ABTB2: variants seen among roughly 807,000 people sequenced by gnomAD.
The protein encoded by ABTB2 is ankyrin repeat and BTB domain containing 2, also known as ankyrin repeat and BTB/POZ domain-containing protein 2.
A neutral mutation model predicts 104.1 loss-of-function variants in ABTB2; 56 were observed. The observed-to-expected ratio is 0.54, with a 90% CI of 0.43 to 0.67. The LOEUF (loss-of-function observed/expected upper bound fraction) is 0.67. Ranked by LOEUF, ABTB2 falls within the 30% of genes least tolerant of loss-of-function variation. The pLI is 0.00. For synonymous variants in ABTB2, 606 were observed against 608.2 expected (o/e 1.00, Z 0.05); for missense variants, 1,279 against 1,407.7 (o/e 0.91, Z 1.46).
Position 34,282,144 on chromosome 11 carries a change from T to G in ABTB2, c.883+74557A>C, listed in dbSNP as rs928493663. On this transcript the variant is annotated intron_variant, in intron 1 of 16. Coordinates refer to ENST00000435224, the MANE Select transcript of ABTB2 (RefSeq NM_145804.3). ...TGGTTCATAGATGGCACTTTCTCCC[T>G]GCATCCTCACACGGTGGAAGAGCCG... Among the ~76,000 whole-genome samples, 4 of 152,196 alleles carry G rather than the reference T, an allele frequency of 2.6e-5. No homozygotes were observed. In the East Asian group the frequency reaches 7.7e-4, roughly 29 times the overall value.
At chr11:34,318,938 G>C (rs767810840) in intron 1 of ABTB2, among the ~76,000 whole-genome samples, 7 of 152,216 alleles carry the variant, frequency 4.6e-5, no homozygotes, top group Non-Finnish European at 1.0e-4. Context: ...AAGCTTGCAT[G>C]CCTTTCAAAG....
intron 14 of ABTB2, among the ~76,000 whole-genome samples, chr11:34,157,457 C>T (rs761236797): frequency 1.5e-4 from 23 of 152,178 alleles, no homozygotes; most frequent in African/African-American, 2.9e-4. Flanking sequence ...CGACTGAGCC[C>T]GCACAGGTCC....
rs11032565 is a variant in ABTB2 at position 34,229,282 on chromosome 11, A to G, written c.884-24592T>C. ...CGGATCACAAAGTCAGGAGATCAAG[A>G]CCATCCTGGCTAACACGATGAAACC... On this transcript the variant is annotated intron_variant, in intron 1 of 16. Transcript: ENST00000435224. Among the ~76,000 whole-genome samples, 1,317 of 151,916 alleles carry G rather than the reference A, an allele frequency of 8.7e-3. 25 individuals are homozygous for G. The highest frequency in any genetic ancestry group is 0.03 in the African/African-American group (1,246 of 41,420).
intron 1 of ABTB2, among the ~76,000 whole-genome samples, chr11:34,217,716 C>T (rs1195686561): frequency 6.6e-6 from 1 of 152,198 alleles, no homozygotes; most frequent in South Asian, 2.1e-4. Context: ...CCTGCCGCGG[C>T]CTCCCAAAGT....
At chr11:34,193,734 C>T (rs974037448) in intron 3 of ABTB2, among the ~76,000 whole-genome samples, 7 of 152,204 alleles carry the variant, frequency 4.6e-5, no homozygotes, top group Non-Finnish European at 7.3e-5. Context: ...AGGTGAGGAG[C>T]CTAAGGCATG....
chr11:34,306,983 A>T (rs1379732500), intron 1 of ABTB2, among the ~76,000 whole-genome samples: 2 of 54,404 alleles, frequency 3.7e-5, no homozygotes, highest in Non-Finnish European at 6.1e-5. Context: ...CAGGAAACTT[A>T]AAAAAAAAAA....
intron 1 of ABTB2, among the ~76,000 whole-genome samples, chr11:34,289,266 A>G (rs1228305417): frequency 6.6e-6 from 1 of 152,234 alleles, no homozygotes. Context: ...GATGAAGGGT[A>G]ATAGAGCAGG....
At chr11:34,340,801 A>G (rs1219797075) in intron 1 of ABTB2, among the ~76,000 whole-genome samples, 1 of 152,192 alleles carries the variant, frequency 6.6e-6, no homozygotes, top group African/African-American at 2.4e-5. Context: ...CCTCTGAAAG[A>G]GCTCACCTCC....
At chr11:34,173,743 A>C (rs1852919792) in intron 3 of ABTB2, among the ~76,000 whole-genome samples, 4 of 152,070 alleles carry the variant, frequency 2.6e-5, no homozygotes, top group African/African-American at 7.2e-5. Flanking sequence ...TCTTCTATGC[A>C]GAGGGGAGAG....
chr11:34,269,372 G>A (rs746814076), intron 1 of ABTB2, among the ~76,000 whole-genome samples: 9 of 152,158 alleles, frequency 5.9e-5, no homozygotes, highest in Non-Finnish European at 1.2e-4. Flanking sequence ...GATATTCCTT[G>A]CTTGGGCCAC....
chr11:34,174,009 C>A (rs1852924455), intron 3 of ABTB2, among the ~76,000 whole-genome samples: 1 of 152,144 alleles, frequency 6.6e-6, no homozygotes, highest in Admixed American at 6.5e-5. Context: ...GTGTGCCAGG[C>A]CAGGTTGCCC....
chr11:34,266,177 C>A (rs563657399), intron 1 of ABTB2, among the ~76,000 whole-genome samples: 8 of 152,278 alleles, frequency 5.3e-5, no homozygotes, highest in Admixed American at 4.6e-4. Flanking sequence ...CAAACTCCTG[C>A]ACTCAAGCAA....
At chr11:34,284,350 T>C (rs1357853626) in intron 1 of ABTB2, among the ~76,000 whole-genome samples, 1 of 152,222 alleles carries the variant, frequency 6.6e-6, no homozygotes, top group Non-Finnish European at 1.5e-5. Flanking sequence ...GATGATTTAA[T>C]GTTCTTATCA....
At chr11:34,350,412 G>A (rs80116804) in intron 1 of ABTB2, among the ~76,000 whole-genome samples, 6,358 of 152,244 alleles carry the variant, frequency 0.042, 309 homozygotes, top group East Asian at 0.19. Flanking sequence ...TGTACTCTGC[G>A]GCTTCTCTAT....
chr11:34,269,013 T>C (rs970939499), intron 1 of ABTB2, among the ~76,000 whole-genome samples: 1 of 152,206 alleles, frequency 6.6e-6, no homozygotes, highest in Admixed American at 6.5e-5. Flanking sequence ...GGGGACATGA[T>C]TCAGCGCTGA....
chr11:34,186,337 TGGCAGG>T (rs745594808), intron 3 of ABTB2, among the ~76,000 whole-genome samples: 5 of 152,356 alleles, frequency 3.3e-5, no homozygotes, highest in Admixed American at 1.3e-4. Context: ...AAGAGCTGCC[TGGCAGG>T]CAAGTGAGAG....
At chr11:34,296,968 A>G (rs1854630385) in intron 1 of ABTB2, among the ~76,000 whole-genome samples, 1 of 152,230 alleles carries the variant, frequency 6.6e-6, no homozygotes, top group Non-Finnish European at 1.5e-5. Context: ...GACTTGCTCA[A>G]AGACCTAGAG....
intron 1 of ABTB2, among the ~76,000 whole-genome samples, chr11:34,286,361 C>T (rs189732748): frequency 3.5e-4 from 53 of 152,108 alleles, no homozygotes; most frequent in African/African-American, 8.9e-4. Flanking sequence ...GGCACGATCT[C>T]GGCTCACTGC....
intron 14 of ABTB2, 140 bp downstream of exon 14, chr11:34,159,156 G>C: frequency 1.5e-6 from 1 of 664,330 alleles, no homozygotes. Context: ...GAAAGACCTG[G>C]ATGCTCTATT....
Sources: allele counts gnomAD v4.1 joint callset (sites outside exome capture counted in the v4.1 genomes callset), GRCh38; gene constraint gnomAD v4.1.1; transcripts MANE v1.5; gene names NCBI Gene and HGNC (gene_info 2026-07-23, HGNC 2026-07-21).